Variants in LEO1 observed in about 807,000 individuals in gnomAD.
LEO1 encodes the protein RNA polymerase-associated protein LEO1.
Under a neutral mutation model 80.4 loss-of-function variants are expected in LEO1, and 34 were observed. The ratio of observed to expected loss-of-function variants is 0.42; its 90% confidence interval spans 0.32 to 0.56. The LOEUF (loss-of-function observed/expected upper bound fraction) is 0.56. Ranked by LOEUF, LEO1 falls within the 20% of genes least tolerant of loss-of-function variation. The pLI, the probability that LEO1 is intolerant of heterozygous loss-of-function variation, is 0.10. For missense variants in LEO1, 631 were observed against 814.2 expected, an observed-to-expected ratio of 0.77 and a Z score of 2.74; for synonymous variants, 262 against 274.9, an observed-to-expected ratio of 0.95 and a Z score of 0.46.
chr15:51,962,301 G>C, intron 3 of LEO1, 88 bp downstream of exon 3: 1 of 820,452 alleles, frequency 1.2e-6, no homozygotes, highest in South Asian at 1.8e-5. Flanking sequence ...GGCGATCTGG[G>C]GTAAACACAC....
chr15:51,955,219 T>C (rs1218214954), intron 6 of LEO1, among the ~76,000 whole-genome samples: 3 of 152,118 alleles, frequency 2.0e-5, no homozygotes, highest in East Asian at 3.8e-4. Context: ...ATTACAGGCG[T>C]GAGCCACCAC....
rs2056973209 is a variant in LEO1, at chr15:51,954,521, T to C, written c.1300A>G (p.Lys434Glu). 2 of 1,613,812 alleles carry C rather than the reference T, an allele frequency of 1.2e-6. No individual in the cohort carries two copies. The highest frequency in any genetic ancestry group is 1.3e-5 in the African/African-American group (1 of 74,944). ...IRRDEEGNEIKESNARIVKWS... is the reference protein window; with the variant it reads ...IRRDEEGNEIEESNARIVKWS... ...TTGACTATCCGAGCATTGCTTTCTT[T>C]AATTTCATTTCCTTCTTCATCTCGG... The change falls in exon 7 of 12, where the codon AAA becomes GAA. Residue 434 changes from lysine to glutamate, a missense_variant. This residue lies in a region of LEO1 where 95 missense variants were observed against 171.7 expected (regional missense o/e 0.55). Coordinates refer to ENST00000299601, the MANE Select transcript of LEO1 (RefSeq NM_138792.4).
At chr15:51,938,553 A>G (rs2056821025) in intron 11 of LEO1, among the ~76,000 whole-genome samples, 1 of 152,212 alleles carries the variant, frequency 6.6e-6, no homozygotes, top group Non-Finnish European at 1.5e-5. Context: ...GGATATTTTT[A>G]CCATGATCAG....
rs777577151 is a variant in LEO1, at chr15:51,971,685, C to T, written c.58+3G>A. On this transcript the variant is annotated splice_donor_region_variant and intron_variant, in intron 1 of 11. Transcript: ENST00000299601. ...CCCATCCTCCGAAGACCAGCGAACC[C>T]ACCTTTACGCTCAGCTTCGCTGTCG... 5.6e-6 allele frequency: 9 copies of T among 1,614,050 alleles called. No homozygotes were observed. The highest frequency in any genetic ancestry group is 7.6e-6 in the Non-Finnish European group (9 of 1,179,946).
intron 3 of LEO1, among the ~76,000 whole-genome samples, chr15:51,961,161 T>A (rs2057027034): frequency 6.6e-6 from 1 of 152,030 alleles, no homozygotes; most frequent in Admixed American, 6.6e-5. Flanking sequence ...GGCAGGTGGA[T>A]CACTTAAGGT....
At chr15:51,970,842 T>G (rs1482956072) in intron 1 of LEO1, among the ~76,000 whole-genome samples, 2 of 152,150 alleles carry the variant, frequency 1.3e-5, no homozygotes, top group African/African-American at 4.8e-5. Context: ...ATAGCTCCTA[T>G]TCATATTTCA....
intron 1 of LEO1, 121 bp from the exon 2 acceptor site, chr15:51,966,625 C>T (rs959526308): frequency 4.7e-6 from 3 of 636,786 alleles, no homozygotes; most frequent in African/African-American, 1.8e-5. Flanking sequence ...AATTAACATT[C>T]TAAGGCCGGG....
chr15:51,969,499 G>A (rs2057105321), intron 1 of LEO1, among the ~76,000 whole-genome samples: 1 of 151,432 alleles, frequency 6.6e-6, no homozygotes, highest in African/African-American at 2.4e-5. Context: ...GCAGGGTGTG[G>A]TGGCAGGCGC....
chr15:51,954,862 C>A, intron 6 of LEO1: 1 of 319,894 alleles, frequency 3.1e-6, no homozygotes, highest in Admixed American at 4.7e-5. Context: ...TGTACACTAA[C>A]CCCGAGATGT....
intron 11 of LEO1, among the ~76,000 whole-genome samples, chr15:51,945,943 A>G (rs1212429927): frequency 6.6e-6 from 1 of 151,750 alleles, no homozygotes; most frequent in Non-Finnish European, 1.5e-5. Flanking sequence ...CTGAGGCAGG[A>G]AAATGGCATG....
intron 11 of LEO1, among the ~76,000 whole-genome samples, chr15:51,943,730 T>A (rs1595930430): frequency 3.3e-5 from 4 of 122,520 alleles, no homozygotes; most frequent in African/African-American, 3.1e-5. Flanking sequence ...AAAGGCATGA[T>A]AACAATGTAT....
rs2141767982 is a variant in LEO1, at chr15:51,958,754, C to T, written c.1233G>A (p.Arg411=). The T allele has an allele frequency of 6.3e-7, 1 of 1,586,386 alleles. No homozygotes were observed. Among genetic ancestry groups the T allele is most frequent in the Non-Finnish European group, 8.6e-7 (1 of 1,162,318 alleles). ...CATGAAATGGTACCTTTAATTTTAA[C>T]CTGGTTCTACCTTCTTCATCCAGCA... The part of the protein sequence containing the change: ...EEMLDEEGRT[R]LKLKVENTIR... The change falls in exon 6 of 12, where the codon AGG becomes AGA. Residue 411 remains arginine (R), a synonymous_variant. Transcript: ENST00000299601.
Position 51,966,286 on chromosome 15 carries a change from G to C in LEO1, c.277C>G (p.Arg93Gly). 6.2e-7 allele frequency: 1 copy of C among 1,613,928 alleles called. No individual in the cohort carries two copies. Among genetic ancestry groups the C allele is most frequent in the East Asian group, 2.2e-5 (1 of 44,874 alleles). ...RSDNRSEASE[R>G]SDHEDNDPSD... The stretch of plus-strand genomic sequence containing the variant: ...GGGTCATTGTCCTCATGGTCAGAAC[G>C]CTCAGAAGCTTCTGATCTATTGTCT... Residue 93 changes from arginine (R) to glycine (G), a missense_variant, in exon 2 of 12, where the codon CGT (arginine) becomes GGT (glycine). Coordinates refer to ENST00000299601, the MANE Select transcript of LEO1 (RefSeq NM_138792.4).
intron 1 of LEO1, among the ~76,000 whole-genome samples, chr15:51,970,966 T>TA (rs1409690047): frequency 6.6e-6 from 1 of 152,008 alleles, no homozygotes; most frequent in African/African-American, 2.4e-5. Context: ...AAGTAAACTT[T>TA]AAAAAAACAC....
chr15:51,939,310 A>G (rs2056827847), intron 11 of LEO1, among the ~76,000 whole-genome samples: 1 of 152,212 alleles, frequency 6.6e-6, no homozygotes, highest in Admixed American at 6.5e-5. Flanking sequence ...TGGAGAATGC[A>G]ACCTGGTATG....
At position 51,962,497 on chromosome 15, in the gene LEO1, T is replaced by C. The variant is rs758382079; in HGVS notation, c.815-4A>G. 1.0e-5 allele frequency: 16 copies of C among 1,592,902 alleles called. No homozygotes were observed. The highest frequency in any genetic ancestry group is 1.4e-5 in the Non-Finnish European group (16 of 1,162,236). On this transcript the variant is annotated splice_region_variant and splice_polypyrimidine_tract_variant and intron_variant, in intron 2 of 11. Coordinates refer to ENST00000299601, the MANE Select transcript of LEO1 (RefSeq NM_138792.4). Reference sequence around the variant, plus strand: ...CTATCACTGCCTCTTGCAGATTCTATAAGGGTAGAATTAGAAGTTCTGCAT... The same window carrying C: ...CTATCACTGCCTCTTGCAGATTCTACAAGGGTAGAATTAGAAGTTCTGCAT...
chr15:51,956,837 TG>T (rs927344571), intron 6 of LEO1, among the ~76,000 whole-genome samples: 6 of 151,962 alleles, frequency 3.9e-5, no homozygotes, highest in Non-Finnish European at 8.8e-5. Context: ...AATTTTTTTT[TG>T]GGGGGGAGAC....
chr15:51,947,072 A>T (rs1384853343), intron 11 of LEO1: 1 of 509,968 alleles, frequency 2.0e-6, no homozygotes, highest in Admixed American at 3.6e-5. Context: ...ACACCCAGCA[A>T]GAAGTCTTAT....
chr15:51,939,679 A>C (rs1397861283), intron 11 of LEO1, among the ~76,000 whole-genome samples: 4 of 152,256 alleles, frequency 2.6e-5, no homozygotes, highest in African/African-American at 9.6e-5. Context: ...TTTCCAAAGG[A>C]AAAATCTTAA....
Sources: gnomAD v4.1 joint callset for allele counts (sites outside exome capture counted in the v4.1 genomes callset) on GRCh38, gnomAD v4.1.1 for gene constraint, gnomAD v4.1.1 regional missense constraint, MANE v1.5 for transcripts, NCBI Gene and HGNC (gene_info 2026-07-23, HGNC 2026-07-21) for gene names.